Variants in CDH18 observed in about 807,000 individuals in gnomAD.
CDH18 encodes cadherin 18, also known as cadherin-18.
In CDH18, 31 loss-of-function variants were observed where a neutral mutation model predicts 67.9. The ratio of observed to expected loss-of-function variants is 0.46; its 90% confidence interval spans 0.34 to 0.62. The LOEUF (loss-of-function observed/expected upper bound fraction) is 0.62, where lower values mean the gene tolerates loss of function less well. Ranked by LOEUF, CDH18 falls within the 20% of genes least tolerant of loss-of-function variation. CDH18 has a pLI of 0.01. For synonymous variants in CDH18, 362 were observed against 347.2 expected (o/e 1.04, Z -0.48); for missense variants, 890 against 975.5 (o/e 0.91, Z 1.17).
intron 1 of CDH18, among the ~76,000 whole-genome samples, chr5:20,558,895 C>T (rs1180178706): frequency 6.6e-6 from 1 of 151,696 alleles, no homozygotes; most frequent in African/African-American, 2.4e-5. Context: ...TTGGGTTTCT[C>T]ATTGCTTGAA....
intron 1 of CDH18, among the ~76,000 whole-genome samples, chr5:20,363,976 T>C (rs562073821): frequency 1.3e-5 from 2 of 152,248 alleles, no homozygotes; most frequent in Admixed American, 1.3e-4. Context: ...TTTACAAAAG[T>C]GCCACAAGTC....
At chr5:20,013,902 T>C (rs114328420) in intron 2 of CDH18, among the ~76,000 whole-genome samples, 3 of 152,142 alleles carry the variant, frequency 2.0e-5, no homozygotes, top group Non-Finnish European at 4.4e-5. Flanking sequence ...CCCCAAATGC[T>C]GTTAACAGCA....
intron 12 of CDH18, among the ~76,000 whole-genome samples, chr5:19,477,767 C>A (rs1176619800): frequency 3.9e-5 from 6 of 151,900 alleles, no homozygotes; most frequent in Admixed American, 6.6e-5. Flanking sequence ...TACAGTGAGT[C>A]ATCTGGTAAA....
intron 2 of CDH18, among the ~76,000 whole-genome samples, chr5:20,227,925 G>A (rs1414466137): frequency 6.6e-6 from 1 of 151,866 alleles, no homozygotes; most frequent in Non-Finnish European, 1.5e-5. Flanking sequence ...TTCACTTTCT[G>A]TCCATTCCTC....
chr5:20,308,079 CTTTT>C (rs759117114), intron 1 of CDH18, among the ~76,000 whole-genome samples: 86 of 85,428 alleles, frequency 1.0e-3, no homozygotes, highest in African/African-American at 4.2e-3. Context: ...AATACTACTG[CTTTT>C]TTTTTTTTTT....
chr5:19,482,569 T>C (rs1378008355), intron 12 of CDH18, among the ~76,000 whole-genome samples: 3 of 152,176 alleles, frequency 2.0e-5, no homozygotes, highest in Admixed American at 6.5e-5. Flanking sequence ...AAGTTATCTA[T>C]TTTTTATTTG....
At chr5:19,795,019 T>C (rs1290789570) in intron 3 of CDH18, among the ~76,000 whole-genome samples, 1 of 152,118 alleles carries the variant, frequency 6.6e-6, no homozygotes, top group Admixed American at 6.6e-5. Context: ...CCAGGCCTAG[T>C]GTTTCCTGTC....
chr5:19,652,600 A>T (rs1202575487), intron 5 of CDH18, among the ~76,000 whole-genome samples: 59 of 152,164 alleles, frequency 3.9e-4, no homozygotes, highest in Non-Finnish European at 5.9e-5. Context: ...ACAAAAATCA[A>T]TGCTGCAAAA....
chr5:20,536,944 C>A (rs1756758975), intron 1 of CDH18, among the ~76,000 whole-genome samples: 1 of 152,052 alleles, frequency 6.6e-6, no homozygotes, highest in Non-Finnish European at 1.5e-5. Context: ...TGGAAGTAAC[C>A]TCCACTGAAT....
intron 3 of CDH18, among the ~76,000 whole-genome samples, chr5:19,809,985 A>T (rs1393735598): frequency 6.6e-6 from 1 of 152,170 alleles, no homozygotes; most frequent in Non-Finnish European, 1.5e-5. Context: ...AGAAAACTTG[A>T]AAAAGACTGT....
At chr5:19,995,616 A>C (rs1240311778) in intron 2 of CDH18, among the ~76,000 whole-genome samples, 6 of 151,932 alleles carry the variant, frequency 3.9e-5, no homozygotes, top group African/African-American at 1.2e-4. Flanking sequence ...AAAAAAAAAA[A>C]AAAAAAACTT....
intron 2 of CDH18, among the ~76,000 whole-genome samples, chr5:19,886,600 G>A (rs1038678681): frequency 3.5e-4 from 54 of 152,146 alleles, no homozygotes; most frequent in Middle Eastern, 3.4e-3. Context: ...GTGTTACTCC[G>A]GTAATGTATC....
chr5:19,561,711 A>T (rs1235664403), intron 8 of CDH18, among the ~76,000 whole-genome samples: 5 of 152,128 alleles, frequency 3.3e-5, no homozygotes, highest in Non-Finnish European at 7.4e-5. Flanking sequence ...AATGTGTTAT[A>T]ATTATGTTTG....
intron 2 of CDH18, among the ~76,000 whole-genome samples, chr5:20,102,095 A>G (rs1010558705): frequency 2.6e-5 from 4 of 152,118 alleles, no homozygotes; most frequent in Non-Finnish European, 5.9e-5. Flanking sequence ...CAAACAAACA[A>G]AAAAACAGCT....
At chr5:19,998,107 T>C (rs1371174365) in intron 2 of CDH18, among the ~76,000 whole-genome samples, 1 of 152,150 alleles carries the variant, frequency 6.6e-6, no homozygotes, top group Non-Finnish European at 1.5e-5. Flanking sequence ...ACCAGGATAA[T>C]GAAATGGTAA....
chr5:20,319,382 T>C, intron 1 of CDH18, among the ~76,000 whole-genome samples: 1 of 152,164 alleles, frequency 6.6e-6, no homozygotes, highest in East Asian at 1.9e-4. Flanking sequence ...TTCAAACCTA[T>C]CACTGGACAC....
At chr5:20,300,692 T>C (rs1181803399) in intron 1 of CDH18, among the ~76,000 whole-genome samples, 1 of 152,136 alleles carries the variant, frequency 6.6e-6, no homozygotes, top group Non-Finnish European at 1.5e-5. Flanking sequence ...AAATAGAACA[T>C]TGACTCTATG....
chr5:19,487,557 A>G (rs1396676934), intron 11 of CDH18, among the ~76,000 whole-genome samples: 1 of 152,200 alleles, frequency 6.6e-6, no homozygotes, highest in East Asian at 1.9e-4. Context: ...TGTCCAGAAA[A>G]TTTTGGAAAA....
chr5:19,776,085 A>T (rs1484685801), intron 3 of CDH18, among the ~76,000 whole-genome samples: 4 of 152,194 alleles, frequency 2.6e-5, no homozygotes. Context: ...AAACAATAGG[A>T]AACCATCAAG....
Sources: allele counts gnomAD v4.1 joint callset (sites outside exome capture counted in the v4.1 genomes callset), GRCh38; gene constraint gnomAD v4.1.1; transcripts MANE v1.5; gene names NCBI Gene and HGNC (gene_info 2026-07-23, HGNC 2026-07-21).